Variants in DCDC1 observed in about 807,000 individuals in gnomAD.
DCDC1 encodes the protein doublecortin domain containing 1, also known as doublecortin domain-containing protein 1.
A neutral mutation model predicts 178.3 loss-of-function variants in DCDC1; 200 were observed. The ratio of observed to expected loss-of-function variants is 1.12; its 90% CI spans 1.00 to 1.26. DCDC1 has a LOEUF of 1.26. Ranked by LOEUF, DCDC1 falls within the 50% of genes most tolerant of loss-of-function variation. The pLI is 0.00. For missense variants in DCDC1, 1,983 were observed against 1,749.2 expected (o/e 1.13, Z -2.38); for synonymous variants, 690 against 604.8 (o/e 1.14, Z -2.07).
At chr11:31,145,354 A>G (rs1283780464) in intron 9 of DCDC1, among the ~76,000 whole-genome samples, 1 of 152,166 alleles carries the variant, frequency 6.6e-6, no homozygotes, top group Non-Finnish European at 1.5e-5. Context: ...CAGGAGAAAT[A>G]CTCGAAGATA....
At chr11:31,352,581 C>T (rs1326101906) in intron 1 of DCDC1, among the ~76,000 whole-genome samples, 2 of 152,124 alleles carry the variant, frequency 1.3e-5, no homozygotes, top group Non-Finnish European at 2.9e-5. Flanking sequence ...ACTTAATTTC[C>T]TATCTACAAT....
At chr11:31,025,967 G>A (rs1953203394) in intron 20 of DCDC1, among the ~76,000 whole-genome samples, 1 of 151,832 alleles carries the variant, frequency 6.6e-6, no homozygotes, top group Non-Finnish European at 1.5e-5. Flanking sequence ...TAGAATTGAA[G>A]CTTTTTAGCT....
chr11:31,071,746 G>A (rs559218587), intron 18 of DCDC1, among the ~76,000 whole-genome samples: 3 of 152,274 alleles, frequency 2.0e-5, no homozygotes, highest in South Asian at 4.1e-4. Context: ...GTTATAAGGG[G>A]CACTTCAGCT....
At chr11:31,247,427 C>A (rs1363557191) in intron 8 of DCDC1, among the ~76,000 whole-genome samples, 2 of 151,674 alleles carry the variant, frequency 1.3e-5, no homozygotes, top group African/African-American at 2.4e-5. Flanking sequence ...TATATCTACT[C>A]CTTGTTCCAT....
At chr11:31,238,373 A>C (rs1046084764) in intron 9 of DCDC1, among the ~76,000 whole-genome samples, 3 of 152,120 alleles carry the variant, frequency 2.0e-5, no homozygotes, top group South Asian at 2.1e-4. Context: ...TAAATAAAGA[A>C]CATCATGTTT....
At chr11:31,157,298 G>A (rs1199840321) in intron 9 of DCDC1, among the ~76,000 whole-genome samples, 2 of 149,044 alleles carry the variant, frequency 1.3e-5, no homozygotes, top group African/African-American at 4.9e-5. Flanking sequence ...GGCTGAAGTG[G>A]GAGGATCACT....
At chr11:30,909,189 A>G (rs1945277227) in intron 28 of DCDC1, 73 bp from the exon 29 acceptor site, 2 of 1,339,396 alleles carry the variant, frequency 1.5e-6, no homozygotes, top group Non-Finnish European at 2.0e-6. Context: ...TTCATTGCAT[A>G]TATCCAGAAA....
In DCDC1 at chr11:31,307,883, CT is replaced by C; in HGVS notation, c.189del (p.Ala64GlnfsTer51). The C allele has an allele frequency of 6.2e-7, 1 of 1,614,012 alleles. No individual in the cohort carries two copies. ...LPREFMSSQA[K>X]AVIKTTDDYL... ...TAATCATCAGTAGTTTTAATAACTGCTTTTGCCTGGGATGACATAAACTCTC... is the reference window on the plus strand; with the variant it reads ...TAATCATCAGTAGTTTTAATAACTGCTTTGCCTGGGATGACATAAACTCTC... On this transcript the variant is annotated frameshift_variant, in exon 4 of 39. Transcript: ENST00000684477. LOFTEE classifies it high-confidence loss of function.
intron 11 of DCDC1, among the ~76,000 whole-genome samples, chr11:31,122,609 T>C (rs1960979743): frequency 6.6e-6 from 1 of 152,174 alleles, no homozygotes; most frequent in South Asian, 2.1e-4. Context: ...GTGGTTTCAC[T>C]GATTTTTGCC....
At chr11:31,219,057 C>G (rs1973935402) in intron 9 of DCDC1, among the ~76,000 whole-genome samples, 1 of 152,178 alleles carries the variant, frequency 6.6e-6, no homozygotes, top group Non-Finnish European at 1.5e-5. Flanking sequence ...GCTCCGAAGG[C>G]TGGCCAGCCC....
intron 35 of DCDC1, among the ~76,000 whole-genome samples, chr11:30,893,239 T>C (rs921524087): frequency 6.6e-6 from 1 of 152,220 alleles, no homozygotes; most frequent in South Asian, 2.1e-4. Context: ...GCACTCATTT[T>C]GGCAAAGCAC....
intron 36 of DCDC1, among the ~76,000 whole-genome samples, chr11:30,890,105 A>C (rs920907470): frequency 1.3e-5 from 2 of 152,182 alleles, no homozygotes; most frequent in Non-Finnish European, 2.9e-5. Context: ...GGGAGGCCTC[A>C]CCAGAAACCA....
At chr11:31,014,949 T>C (rs1238968013) in intron 20 of DCDC1, among the ~76,000 whole-genome samples, 2 of 151,676 alleles carry the variant, frequency 1.3e-5, no homozygotes, top group Non-Finnish European at 1.5e-5. Context: ...ATTCTCCTTT[T>C]CTTTTTTTTT....
At chr11:31,173,308 G>A (rs1967503745) in intron 9 of DCDC1, among the ~76,000 whole-genome samples, 1 of 151,978 alleles carries the variant, frequency 6.6e-6, no homozygotes, top group Admixed American at 6.5e-5. Context: ...CATTCACACT[G>A]GCATGGTACA....
chr11:31,264,370 T>C (rs2137098329), intron 8 of DCDC1, among the ~76,000 whole-genome samples: 1 of 152,190 alleles, frequency 6.6e-6, no homozygotes, highest in African/African-American at 2.4e-5. Context: ...AATAATTACA[T>C]CCTGTATGGA....
chr11:31,175,140 T>C (rs1967814200), intron 9 of DCDC1, among the ~76,000 whole-genome samples: 2 of 152,218 alleles, frequency 1.3e-5, no homozygotes, highest in Non-Finnish European at 2.9e-5. Flanking sequence ...CAGTGGTGTC[T>C]GGCATCTCCG....
At chr11:31,137,881 A>C in intron 9 of DCDC1, 97 bp from the exon 10 acceptor site, 1 of 586,794 alleles carries the variant, frequency 1.7e-6, no homozygotes, top group East Asian at 3.0e-5. Context: ...CATGAATGTG[A>C]TTTGATATTA....
At chr11:31,006,397 T>A (rs1025868536) in intron 20 of DCDC1, among the ~76,000 whole-genome samples, 2 of 152,164 alleles carry the variant, frequency 1.3e-5, no homozygotes, top group Non-Finnish European at 2.9e-5. Context: ...TCTCCTGGCT[T>A]TCCTCTGGGT....
intron 7 of DCDC1, among the ~76,000 whole-genome samples, chr11:31,276,258 TA>T (rs1945979242): frequency 6.6e-6 from 1 of 152,218 alleles, no homozygotes; most frequent in African/African-American, 2.4e-5. Context: ...ATTCACTATA[TA>T]AACCTAAAAA....
Sources: allele counts gnomAD v4.1 joint callset (sites outside exome capture counted in the v4.1 genomes callset), GRCh38; gene constraint gnomAD v4.1.1; transcripts MANE v1.5; gene names NCBI Gene and HGNC (gene_info 2026-07-23, HGNC 2026-07-21).